Variants in SGCZ observed in about 807,000 individuals in gnomAD.
SGCZ encodes the protein zeta-sarcoglycan.
Under a neutral mutation model 41.3 loss-of-function variants are expected in SGCZ, and 40 were observed. The ratio of observed to expected loss-of-function variants is 0.97; its 90% CI spans 0.75 to 1.26. The LOEUF (loss-of-function observed/expected upper bound fraction) is 1.26, where lower values mean the gene tolerates loss of function less well. SGCZ is among the 50% of genes most tolerant of loss of function. The pLI is 0.00. For missense variants in SGCZ, 552 were observed against 369.8 expected (o/e 1.49, Z -4.04); for synonymous variants, 206 against 137.5 (o/e 1.50, Z -3.49).
intron 1 of SGCZ, among the ~76,000 whole-genome samples, chr8:14,850,617 A>G (rs1362269719): frequency 1.3e-5 from 2 of 152,200 alleles, no homozygotes; most frequent in African/African-American, 4.8e-5. Flanking sequence ...AAAGGAAAGA[A>G]TTTAATGATC....
intron 5 of SGCZ, among the ~76,000 whole-genome samples, chr8:14,122,680 T>A (rs1802736604): frequency 6.6e-6 from 1 of 152,208 alleles, no homozygotes; most frequent in East Asian, 1.9e-4. Flanking sequence ...TCATAACATC[T>A]TCACTGGCTA....
At chr8:14,617,005 T>C (rs10109020) in intron 1 of SGCZ, among the ~76,000 whole-genome samples, 21,532 of 152,028 alleles carry the variant, frequency 0.14, 1,867 homozygotes, top group Non-Finnish European at 0.19. Context: ...ATTTGATGTA[T>C]TTGTAGTAAG....
intron 2 of SGCZ, among the ~76,000 whole-genome samples, chr8:14,441,699 A>C (rs1800276001): frequency 6.6e-6 from 1 of 152,204 alleles, no homozygotes; most frequent in South Asian, 2.1e-4. Flanking sequence ...CACCACATGT[A>C]ATTTGCAGTT....
chr8:14,698,781 G>C (rs1368702173), intron 1 of SGCZ, among the ~76,000 whole-genome samples: 1 of 151,908 alleles, frequency 6.6e-6, no homozygotes, highest in Non-Finnish European at 1.5e-5. Flanking sequence ...AGCTGATCTT[G>C]TATTTGAAGA....
intron 1 of SGCZ, among the ~76,000 whole-genome samples, chr8:14,624,485 C>G (rs1415135028): frequency 1.3e-5 from 2 of 148,852 alleles, no homozygotes; most frequent in African/African-American, 4.9e-5. Context: ...ATAATTTTTT[C>G]TATGCATGTC....
intron 2 of SGCZ, among the ~76,000 whole-genome samples, chr8:14,515,323 A>T (rs558015280): frequency 6.6e-6 from 1 of 152,218 alleles, no homozygotes; most frequent in East Asian, 1.9e-4. Context: ...CTATCCTGTA[A>T]GTCACAACAT....
intron 1 of SGCZ, among the ~76,000 whole-genome samples, chr8:15,053,261 C>G (rs950414388): frequency 5.9e-5 from 9 of 152,256 alleles, no homozygotes; most frequent in African/African-American, 2.2e-4. Flanking sequence ...TCCTGCTTCC[C>G]TCATAATTGT....
intron 4 of SGCZ, among the ~76,000 whole-genome samples, chr8:14,212,467 C>CAAAAA (rs33947419): frequency 4.1e-4 from 40 of 97,876 alleles, no homozygotes; most frequent in Non-Finnish European, 5.3e-4. Flanking sequence ...ATGCAAAAGA[C>CAAAAA]AAAAAAAAAA....
intron 2 of SGCZ, among the ~76,000 whole-genome samples, chr8:14,413,288 T>C (rs894129128): frequency 4.6e-5 from 7 of 152,008 alleles, no homozygotes; most frequent in Non-Finnish European, 8.8e-5. Context: ...TCTCAGGAAG[T>C]TCAGAACACA....
At position 14,361,038 on chromosome 8, in the gene SGCZ, T is replaced by C. The variant is rs748603687; in HGVS notation, c.235-36834A>G. ...TCATATGTATTTCTCTGACAGATAA[T>C]GATGTCGAACATCTTTCCATGTGCT... On this transcript the variant is annotated intron_variant, in intron 2 of 7. Transcript: ENST00000382080. Among the ~76,000 whole-genome samples the C allele has an allele frequency of 3.5e-3, 529 of 152,346 alleles. 5 individuals are homozygous for C. Among genetic ancestry groups the C allele is most frequent in the Non-Finnish European group, 5.5e-3 (375 of 68,032 alleles).
chr8:14,892,964 T>C (rs1354599343), intron 1 of SGCZ, among the ~76,000 whole-genome samples: 1 of 152,158 alleles, frequency 6.6e-6, no homozygotes, highest in African/African-American at 2.4e-5. Flanking sequence ...CCAGTCATGA[T>C]GTAGTTATTC....
chr8:14,829,751 G>GT (rs58825277), intron 1 of SGCZ, among the ~76,000 whole-genome samples: 7 of 151,880 alleles, frequency 4.6e-5, no homozygotes, highest in East Asian at 1.9e-4. Context: ...TTATTTAAGG[G>GT]TTTTTTTAAA....
intron 1 of SGCZ, among the ~76,000 whole-genome samples, chr8:15,214,645 A>G (rs1289154036): frequency 1.3e-5 from 2 of 152,152 alleles, no homozygotes; most frequent in Non-Finnish European, 2.9e-5. Context: ...AGTTCCCTGA[A>G]TCGTGGGGAG....
chr8:14,941,766 T>C (rs1800282122), intron 1 of SGCZ, among the ~76,000 whole-genome samples: 1 of 151,922 alleles, frequency 6.6e-6, no homozygotes, highest in East Asian at 1.9e-4. Context: ...ATAAAACAGA[T>C]ATTTTAAATT....
chr8:14,331,205 A>G (rs13256807), intron 2 of SGCZ, among the ~76,000 whole-genome samples: 30,635 of 151,988 alleles, frequency 0.2, 3,816 homozygotes, highest in Non-Finnish European at 0.29. Flanking sequence ...GGAATACATA[A>G]AGAATGGAAA....
At chr8:14,284,871 T>C (rs1420561918) in intron 3 of SGCZ, among the ~76,000 whole-genome samples, 1 of 152,184 alleles carries the variant, frequency 6.6e-6, no homozygotes, top group African/African-American at 2.4e-5. Flanking sequence ...ATCTGTATGT[T>C]TTTTCTGTTG....
intron 1 of SGCZ, among the ~76,000 whole-genome samples, chr8:15,079,327 T>G (rs747454691): frequency 1.3e-5 from 2 of 152,216 alleles, no homozygotes; most frequent in Admixed American, 6.5e-5. Context: ...TCTGTTGTCT[T>G]TATATCTGAC....
At chr8:14,672,007 C>A (rs1808119273) in intron 1 of SGCZ, among the ~76,000 whole-genome samples, 1 of 152,176 alleles carries the variant, frequency 6.6e-6, no homozygotes, top group East Asian at 1.9e-4. Context: ...AGACTATCTT[C>A]CAATTTGGGA....
intron 4 of SGCZ, among the ~76,000 whole-genome samples, chr8:14,187,285 A>G (rs1422038003): frequency 1.3e-5 from 2 of 152,230 alleles, no homozygotes; most frequent in East Asian, 1.9e-4. Flanking sequence ...AAATTTTCCA[A>G]TGTTCAACAA....
Sources: gnomAD v4.1 joint callset for allele counts (sites outside exome capture counted in the v4.1 genomes callset) on GRCh38, gnomAD v4.1.1 for gene constraint, MANE v1.5 for transcripts, NCBI Gene and HGNC (gene_info 2026-07-23, HGNC 2026-07-21) for gene names.